Variants in CEP128 observed in about 807,000 individuals in gnomAD.
CEP128 encodes the protein centrosomal protein 128.
Under a neutral mutation model 156.7 loss-of-function variants are expected in CEP128, and 132 were observed. The ratio of observed to expected loss-of-function variants is 0.84; its 90% confidence interval spans 0.73 to 0.97. The LOEUF (loss-of-function observed/expected upper bound fraction) is 0.97. Ranked by LOEUF, CEP128 falls within the 50% of genes least tolerant of loss-of-function variation. The probability of loss-of-function intolerance (pLI) is 0.00; values close to 1 mark genes in which losing one functional copy is unlikely to be tolerated. For synonymous variants in CEP128, 469 were observed against 448.9 expected (o/e 1.04, Z -0.57); for missense variants, 1,252 against 1,281.9 (o/e 0.98, Z 0.36).
chr14:80,483,710 A>G (rs1252757422), intron 14 of CEP128, among the ~76,000 whole-genome samples: 3 of 152,248 alleles, frequency 2.0e-5, no homozygotes, highest in Non-Finnish European at 4.4e-5. Context: ...ATTGTATGTC[A>G]GCCACAGTAC....
intron 14 of CEP128, among the ~76,000 whole-genome samples, chr14:80,788,288 C>CTTTTTTTTTTTTTTTTTTTTTTTTTTTTT (rs10628361): frequency 5.1e-5 from 5 of 97,256 alleles, no homozygotes; most frequent in Non-Finnish European, 7.6e-5. Flanking sequence ...TGGCCAGGAT[C>CTTTTTTTTTTTTTTTTTTTTTTTTTTTTT]TTTTTTTTTT....
chr14:80,511,777 T>C (rs1242140301), intron 23 of CEP128, among the ~76,000 whole-genome samples: 1 of 152,088 alleles, frequency 6.6e-6, no homozygotes, highest in Non-Finnish European at 1.5e-5. Context: ...CCAGAGGTTT[T>C]GATATGCTAT....
chr14:80,788,371 T>C (rs1901530164), intron 14 of CEP128, among the ~76,000 whole-genome samples: 1 of 150,818 alleles, frequency 6.6e-6, no homozygotes, highest in Non-Finnish European at 1.5e-5. Flanking sequence ...AATTCAACTT[T>C]TCCAAACCTA....
intron 19 of CEP128, among the ~76,000 whole-genome samples, chr14:80,610,927 A>C (rs1044359156): frequency 2.4e-4 from 37 of 152,166 alleles, no homozygotes; most frequent in African/African-American, 8.9e-4. Context: ...TAAGATATTG[A>C]ACAGCGGGTG....
intron 19 of CEP128, among the ~76,000 whole-genome samples, chr14:80,730,332 C>T (rs1898215871): frequency 6.6e-6 from 1 of 152,156 alleles, no homozygotes; most frequent in Non-Finnish European, 1.5e-5. Flanking sequence ...ATCTTCCCAA[C>T]TGTAATTTAT....
intron 7 of CEP128, among the ~76,000 whole-genome samples, chr14:80,898,963 T>C (rs945522484): frequency 2.6e-5 from 4 of 152,284 alleles, no homozygotes; most frequent in African/African-American, 7.2e-5. Context: ...TCCTGTTTGA[T>C]TTCTAGAGAG....
rs193126252 is a variant in CEP128, at chr14:80,570,022, G to A, written c.2856+10352C>T. ...ACTGGTATGTGTTATGGCTATTAAC[G>A]AAAACATCCCTTTATATTACTAGTA... On this transcript the variant is annotated intron_variant, in intron 20 of 24. Transcript: ENST00000555265. Among the ~76,000 whole-genome samples the A allele has an allele frequency of 2.8e-3, 431 of 152,174 alleles. 2 individuals carry two copies. Among genetic ancestry groups the A allele is most frequent in the African/African-American group, 9.4e-3 (390 of 41,520 alleles).
intron 19 of CEP128, among the ~76,000 whole-genome samples, chr14:80,641,562 T>A (rs528875235): frequency 6.6e-6 from 1 of 152,226 alleles, no homozygotes; most frequent in Non-Finnish European, 1.5e-5. Flanking sequence ...GTAGAAAGTA[T>A]GCACAGAACA....
intron 15 of CEP128, among the ~76,000 whole-genome samples, chr14:80,779,835 T>C (rs1310474600): frequency 6.6e-6 from 1 of 152,220 alleles, no homozygotes; most frequent in African/African-American, 2.4e-5. Flanking sequence ...ATTTACAAAG[T>C]GATGTTTGTG....
At chr14:80,733,447 A>T (rs1397659953) in intron 19 of CEP128, among the ~76,000 whole-genome samples, 1 of 151,952 alleles carries the variant, frequency 6.6e-6, no homozygotes, top group Non-Finnish European at 1.5e-5. Flanking sequence ...GAGAACCCAG[A>T]CTAATACAGG....
chr14:80,748,181 C>T (rs1477751494), intron 18 of CEP128, among the ~76,000 whole-genome samples: 3 of 152,040 alleles, frequency 2.0e-5, no homozygotes, highest in Non-Finnish European at 2.9e-5. Flanking sequence ...AGGAAATCTG[C>T]AAATTAAATT....
At chr14:80,908,717 T>G (rs1199488844) in intron 4 of CEP128, among the ~76,000 whole-genome samples, 1 of 152,216 alleles carries the variant, frequency 6.6e-6, no homozygotes, top group East Asian at 1.9e-4. Context: ...ATAGACATTT[T>G]ACATGAGAAG....
intron 4 of CEP128, among the ~76,000 whole-genome samples, chr14:80,906,773 AG>A (rs1393177640): frequency 1.3e-5 from 2 of 152,192 alleles, no homozygotes; most frequent in Non-Finnish European, 2.9e-5. Flanking sequence ...TAATGTCCAG[AG>A]CTGTACACAA....
intron 21 of CEP128, among the ~76,000 whole-genome samples, chr14:80,531,592 T>C (rs1168424330): frequency 6.6e-6 from 1 of 152,194 alleles, no homozygotes; most frequent in Non-Finnish European, 1.5e-5. Flanking sequence ...ACTGCATATA[T>C]ATTATAGGCA....
At chr14:80,811,657 A>ATG (rs994982136) in intron 13 of CEP128, among the ~76,000 whole-genome samples, 13 of 147,894 alleles carry the variant, frequency 8.8e-5, no homozygotes, top group African/African-American at 3.0e-4. Flanking sequence ...TTGTGTGTGT[A>ATG]TGTGTGTGTG....
At chr14:80,695,208 G>GAAAAA (rs1009132869) in intron 19 of CEP128, among the ~76,000 whole-genome samples, 1 of 143,118 alleles carries the variant, frequency 7.0e-6, no homozygotes, top group South Asian at 2.2e-4. Flanking sequence ...GAAAAGAAAA[G>GAAAAA]AAAAAAAAAA....
At position 80,831,258 on chromosome 14, in the gene CEP128, A is replaced by T. The variant is rs762202930; in HGVS notation, c.1094T>A (p.Met365Lys). The change falls in exon 13 of 25, where the codon ATG becomes AAG. Residue 365 changes from methionine to lysine, a missense_variant. Transcript: ENST00000555265. ...EREKQDLEKQMSDLRVQLNFS... is the reference protein window; with the variant it reads ...EREKQDLEKQKSDLRVQLNFS... ...GTTCAGCTGCACTCTCAAATCTGAC[A>T]TTTGCTTCTCCAGGTCCTGTTTTTC... 1.9e-6 allele frequency: 3 copies of T among 1,614,032 alleles called. No homozygotes were observed. Among genetic ancestry groups the T allele is most frequent in the South Asian group, 2.2e-5 (2 of 91,066 alleles).
intron 19 of CEP128, among the ~76,000 whole-genome samples, chr14:80,581,983 G>A (rs2140451159): frequency 6.6e-6 from 1 of 152,296 alleles, no homozygotes; most frequent in East Asian, 1.9e-4. Flanking sequence ...CCAGACTGAG[G>A]CTTTAAGAGG....
chr14:80,503,277 T>A (rs1030472951), intron 24 of CEP128, among the ~76,000 whole-genome samples: 1 of 152,196 alleles, frequency 6.6e-6, no homozygotes, highest in Non-Finnish European at 1.5e-5. Flanking sequence ...TTTTCCTATT[T>A]AACTTTATTT....
Sources: gnomAD v4.1 joint callset for allele counts (sites outside exome capture counted in the v4.1 genomes callset) on GRCh38, gnomAD v4.1.1 for gene constraint, MANE v1.5 for transcripts, NCBI Gene and HGNC (gene_info 2026-07-23, HGNC 2026-07-21) for gene names.